Variants in GALNT10 observed in about 807,000 individuals in gnomAD.
GALNT10 encodes GalNAc transferase 10.
Under a neutral mutation model 75.0 loss-of-function variants are expected in GALNT10, and 41 were observed. The observed-to-expected ratio is 0.55, with a 90% confidence interval of 0.43 to 0.71. The LOEUF (loss-of-function observed/expected upper bound fraction) is 0.71. GALNT10 is among the 30% of genes least tolerant of loss of function. The pLI is 0.00. For missense variants in GALNT10, 727 were observed against 818.5 expected (o/e 0.89, Z 1.36); for synonymous variants, 302 against 313.0 (o/e 0.96, Z 0.37).
At chr5:154,206,986 C>A (rs1033319344) in intron 1 of GALNT10, among the ~76,000 whole-genome samples, 1 of 152,198 alleles carries the variant, frequency 6.6e-6, no homozygotes, top group Non-Finnish European at 1.5e-5. Flanking sequence ...AGATGCTATG[C>A]TAGGTTCTGA....
At chr5:154,404,278 C>T in intron 8 of GALNT10, 67 bp downstream of exon 8, 7 of 807,118 alleles carry the variant, frequency 8.7e-6, no homozygotes, top group Admixed American at 2.7e-5. Context: ...CACTGAGGCA[C>T]CCTGGGGCCC....
chr5:154,218,479 TC>T (rs1387084340), intron 1 of GALNT10, among the ~76,000 whole-genome samples: 1 of 152,178 alleles, frequency 6.6e-6, no homozygotes, highest in Non-Finnish European at 1.5e-5. Flanking sequence ...ATGGGAATAT[TC>T]ATTTCACAGG....
chr5:154,224,784 T>C (rs1753035793), intron 1 of GALNT10, among the ~76,000 whole-genome samples: 1 of 148,500 alleles, frequency 6.7e-6, no homozygotes, highest in Non-Finnish European at 1.5e-5. Context: ...ACTTCTTTTT[T>C]TTTTTTTTTT....
intron 3 of GALNT10, among the ~76,000 whole-genome samples, chr5:154,313,107 G>A (rs1310549850): frequency 8.5e-5 from 13 of 152,084 alleles, no homozygotes; most frequent in Non-Finnish European, 1.3e-4. Flanking sequence ...TCAGGAGCTC[G>A]AGACCAGCCT....
chr5:154,280,544 G>A (rs1216791431), intron 1 of GALNT10, among the ~76,000 whole-genome samples: 3 of 152,172 alleles, frequency 2.0e-5, no homozygotes, highest in East Asian at 3.9e-4. Context: ...CAATTATTAT[G>A]TGTCCATTAA....
At chr5:154,210,668 C>T (rs960911870) in intron 1 of GALNT10, among the ~76,000 whole-genome samples, 1 of 152,134 alleles carries the variant, frequency 6.6e-6, no homozygotes, top group Non-Finnish European at 1.5e-5. Context: ...CAGTGCTCTA[C>T]GCAGTGCCTG....
intron 1 of GALNT10, among the ~76,000 whole-genome samples, chr5:154,215,338 C>A (rs1002797628): frequency 1.3e-5 from 2 of 152,134 alleles, no homozygotes; most frequent in African/African-American, 4.8e-5. Context: ...AAAAAATTAG[C>A]CGGGTGTGGT....
intron 4 of GALNT10, among the ~76,000 whole-genome samples, chr5:154,334,928 A>G (rs576870995): frequency 6.6e-6 from 1 of 152,202 alleles, no homozygotes; most frequent in South Asian, 2.1e-4. Context: ...TCTGACCTGC[A>G]CTCTCACACC....
intron 4 of GALNT10, among the ~76,000 whole-genome samples, chr5:154,331,531 TG>T (rs1179476267): frequency 1.3e-5 from 2 of 152,228 alleles, no homozygotes; most frequent in African/African-American, 4.8e-5. Flanking sequence ...CTTAGGTGGC[TG>T]TGACTGTCAA....
At chr5:154,309,043 G>A (rs1465241134) in intron 3 of GALNT10, among the ~76,000 whole-genome samples, 3 of 152,120 alleles carry the variant, frequency 2.0e-5, no homozygotes, top group African/African-American at 7.2e-5. Flanking sequence ...GTGATGTGGG[G>A]AAAAAAGATT....
intron 6 of GALNT10, among the ~76,000 whole-genome samples, chr5:154,382,469 CT>C (rs2113180701): frequency 6.6e-6 from 1 of 152,320 alleles, no homozygotes; most frequent in Non-Finnish European, 1.5e-5. Flanking sequence ...GACCTAAATC[CT>C]TGTAGAATAA....
intron 4 of GALNT10, among the ~76,000 whole-genome samples, chr5:154,361,418 G>A (rs1424972608): frequency 2.0e-5 from 3 of 152,192 alleles, no homozygotes; most frequent in Admixed American, 1.3e-4. Flanking sequence ...AGGGCATTAA[G>A]GGAGATAATA....
At chr5:154,392,370 G>A (rs1002728966) in intron 7 of GALNT10, 5 of 152,186 alleles carry the variant, frequency 3.3e-5, no homozygotes, top group African/African-American at 1.2e-4. Context: ...GTGTTAGTGT[G>A]TTAGTGGCAT....
intron 1 of GALNT10, among the ~76,000 whole-genome samples, chr5:154,209,435 CT>C: frequency 6.6e-6 from 1 of 152,328 alleles, no homozygotes; most frequent in Middle Eastern, 3.4e-3. Flanking sequence ...AACTGACTGT[CT>C]CAGTGAGTTT....
intron 1 of GALNT10, among the ~76,000 whole-genome samples, chr5:154,212,657 G>T (rs1281340801): frequency 6.6e-6 from 1 of 152,186 alleles, no homozygotes; most frequent in Non-Finnish European, 1.5e-5. Context: ...GTTACAGCTT[G>T]TAAGTGAGTG....
rs535268249 is a variant in GALNT10 at position 154,261,843 on chromosome 5, A to C, written c.160-32973A>C. Among the ~76,000 whole-genome samples the C allele has an allele frequency of 4.3e-4, 65 of 152,372 alleles. 1 individual carries two copies. In the South Asian group the frequency reaches 0.012, roughly 27 times the overall value. Reference sequence around the variant, plus strand: ...TACGATTGTGCCATCAGGGTCTAGCATAGCACCTGGCACTTGGTGGATGCT... The same window carrying C: ...TACGATTGTGCCATCAGGGTCTAGCCTAGCACCTGGCACTTGGTGGATGCT... On this transcript the variant is annotated intron_variant, in intron 1 of 11. Coordinates refer to ENST00000297107, the MANE Select transcript of GALNT10 (RefSeq NM_198321.4).
chr5:154,228,464 A>G (rs1311294054), intron 1 of GALNT10, among the ~76,000 whole-genome samples: 1 of 152,226 alleles, frequency 6.6e-6, no homozygotes, highest in Non-Finnish European at 1.5e-5. Context: ...GGGCTCCTCC[A>G]GTAAAGATTG....
At chr5:154,272,317 C>T (rs1422136622) in intron 1 of GALNT10, among the ~76,000 whole-genome samples, 1 of 152,140 alleles carries the variant, frequency 6.6e-6, no homozygotes, top group Non-Finnish European at 1.5e-5. Context: ...AAACTCCAGT[C>T]AGGTAACCTA....
At chr5:154,353,033 T>TC (rs1755233468) in intron 4 of GALNT10, among the ~76,000 whole-genome samples, 1 of 152,086 alleles carries the variant, frequency 6.6e-6, no homozygotes, top group Non-Finnish European at 1.5e-5. Context: ...ACTCCCCAAG[T>TC]CCAGAAGAGT....
Sources: gnomAD v4.1 joint callset for allele counts (sites outside exome capture counted in the v4.1 genomes callset) on GRCh38, gnomAD v4.1.1 for gene constraint, MANE v1.5 for transcripts, NCBI Gene and HGNC (gene_info 2026-07-23, HGNC 2026-07-21) for gene names.